Variants in ENOSF1 observed in about 807,000 individuals in gnomAD.
ENOSF1 encodes the protein enolase superfamily member 1.
Under a neutral mutation model 68.2 loss-of-function variants are expected in ENOSF1, and 73 were observed. The ratio of observed to expected loss-of-function variants is 1.07; its 90% CI spans 0.89 to 1.30. The LOEUF (loss-of-function observed/expected upper bound fraction) is 1.30. Among genes scored for constraint, ENOSF1 ranks in the 50% most tolerant of loss-of-function variants. The pLI is 0.00. For synonymous variants in ENOSF1, 223 were observed against 210.4 expected (o/e 1.06, Z -0.52); for missense variants, 589 against 554.5 (o/e 1.06, Z -0.62).
At chr18:677,686 G>T in intron 13 of ENOSF1, 57 bp downstream of exon 13, 4 of 1,568,404 alleles carry the variant, frequency 2.6e-6, no homozygotes, top group African/African-American at 1.4e-5. Context: ...CATCAAGGGA[G>T]GTGTCTGATT....
chr18:711,070 T>G (rs1338145600), intron 1 of ENOSF1, among the ~76,000 whole-genome samples: 1 of 152,034 alleles, frequency 6.6e-6, no homozygotes, highest in Non-Finnish European at 1.5e-5. Flanking sequence ...CTTGGGAGGC[T>G]GAGGTGGGAG....
At chr18:689,432 T>A (rs2076935136) in intron 8 of ENOSF1, among the ~76,000 whole-genome samples, 1 of 152,076 alleles carries the variant, frequency 6.6e-6, no homozygotes, top group Non-Finnish European at 1.5e-5. Context: ...AGATACGCAT[T>A]ACCACGCCCA....
rs151099232 is a variant in ENOSF1 at position 709,389 on chromosome 18, G to A, written c.85-2811C>T. 9.9e-5 allele frequency among the ~76,000 whole-genome samples: 15 copies of A among 152,262 alleles called. 1 individual carries two copies. Among genetic ancestry groups the A allele is most frequent in the African/African-American group, 3.4e-4 (14 of 41,562 alleles). On this transcript the variant is annotated intron_variant, in intron 1 of 15. Coordinates refer to ENST00000647584, the MANE Select transcript of ENOSF1 (RefSeq NM_017512.7). ...ACACGAAGAAGAGGCAGCCGACAGC[G>A]GAAAACGTATCTGAGGGTAAGGACA...
At chr18:698,046 G>A (rs1256767585) in intron 2 of ENOSF1, among the ~76,000 whole-genome samples, 1 of 152,168 alleles carries the variant, frequency 6.6e-6, no homozygotes, top group Non-Finnish European at 1.5e-5. Context: ...CACCCGCCTT[G>A]GCCTCCCAAA....
chr18:710,576 A>G (rs1303526298), intron 1 of ENOSF1, among the ~76,000 whole-genome samples: 1 of 152,036 alleles, frequency 6.6e-6, no homozygotes, highest in Non-Finnish European at 1.5e-5. Flanking sequence ...ATGCAGTGGC[A>G]TGATCATAGC....
chr18:677,978 G>T, intron 12 of ENOSF1, 106 bp from the exon 13 acceptor site: 2 of 1,353,612 alleles, frequency 1.5e-6, no homozygotes, highest in Non-Finnish European at 2.0e-6. Flanking sequence ...ATTCATCAGT[G>T]GCCGTCAGGA....
intron 1 of ENOSF1, among the ~76,000 whole-genome samples, chr18:710,745 A>G (rs1268539078): frequency 6.6e-6 from 1 of 152,232 alleles, no homozygotes; most frequent in African/African-American, 2.4e-5. Context: ...TATAAAGTGA[A>G]TATTATTATA....
At position 670,600 on chromosome 18, in the gene ENOSF1, G is replaced by C; in HGVS notation, c.*3705C>G. 1 of 1,399,702 alleles carries C rather than the reference G, an allele frequency of 7.1e-7. No homozygotes were observed. Among genetic ancestry groups the C allele is most frequent in the Non-Finnish European group, 9.9e-7 (1 of 1,012,750 alleles). The allele number at this position is 1,399,702 out of a possible 1,614,324, so 86.7% of individuals were successfully genotyped here. Reference sequence around the variant, plus strand: ...CTCTCTCCTGGTCTCCACCATATGAGTTGGCTTCTGTTTCTCTCCTGTTTT... The same window carrying C: ...CTCTCTCCTGGTCTCCACCATATGACTTGGCTTCTGTTTCTCTCCTGTTTT... On this transcript the variant is annotated 3_prime_UTR_variant, in exon 16 of 16. Transcript: ENST00000647584.
chr18:672,731 C>T lies in ENOSF1; in HGVS notation c.*1574G>A, dbSNP rs2075124941. On this transcript the variant is annotated 3_prime_UTR_variant, in exon 16 of 16. Coordinates refer to ENST00000647584, the MANE Select transcript of ENOSF1 (RefSeq NM_017512.7). The stretch of plus-strand genomic sequence containing the variant: ...TGTTACATAACCTACGGCAAGGTAT[C>T]GACAGGATCATACTCCTGTAAAATA... 4.8e-6 allele frequency: 5 copies of T among 1,044,656 alleles called. No individual in the cohort carries two copies. The highest frequency in any genetic ancestry group is 6.8e-6 in the Non-Finnish European group (5 of 734,816). 64.7% of individuals were successfully genotyped at this position (1,044,656 alleles called of 1,614,324 possible).
chr18:690,848 A>G, intron 7 of ENOSF1: 1 of 1,405,310 alleles, frequency 7.1e-7, no homozygotes, highest in Non-Finnish European at 9.4e-7. Context: ...CCTACAGTGT[A>G]ATCCTAAAGC....
chr18:690,250 GCACAGGTGA>G (rs2077008175), intron 8 of ENOSF1, among the ~76,000 whole-genome samples: 2 of 151,114 alleles, frequency 1.3e-5, no homozygotes, highest in African/African-American at 4.9e-5. Context: ...CCAGTCAGAA[GCACAGGTGA>G]CAACGTGGAC....
intron 11 of ENOSF1, among the ~76,000 whole-genome samples, chr18:681,635 T>C (rs1053293932): frequency 6.6e-6 from 1 of 152,176 alleles, no homozygotes; most frequent in Non-Finnish European, 1.5e-5. Context: ...GGTCGCTCCA[T>C]GGCTCCTGCT....
At position 677,882 on chromosome 18, in the gene ENOSF1, G is replaced by T. The variant is rs772033263; in HGVS notation, c.919-10C>A. On this transcript the variant is annotated splice_polypyrimidine_tract_variant and intron_variant, in intron 12 of 15. Transcript: ENST00000647584. Reference sequence around the variant, plus strand: ...TCACTCTATTGTGGCACTGGAAATAGAATTGAAAATAACACCAACAGAAGA... The same window carrying T: ...TCACTCTATTGTGGCACTGGAAATATAATTGAAAATAACACCAACAGAAGA... 1.9e-6 allele frequency: 3 copies of T among 1,610,194 alleles called. No individual in the cohort carries two copies. The highest frequency in any genetic ancestry group is 2.5e-6 in the Non-Finnish European group (3 of 1,178,872).
At chr18:683,793 CA>C (rs1234927929) in intron 10 of ENOSF1, among the ~76,000 whole-genome samples, 1 of 152,056 alleles carries the variant, frequency 6.6e-6, no homozygotes, top group East Asian at 1.9e-4. Flanking sequence ...ATTGTTTGTT[CA>C]ATAGTCATTT....
chr18:683,181 C>A, intron 11 of ENOSF1, 65 bp downstream of exon 11: 1 of 1,598,446 alleles, frequency 6.3e-7, no homozygotes, highest in Non-Finnish European at 8.5e-7. Context: ...TAGGATCTGT[C>A]CCCAGCACTC....
chr18:700,537 G>A (rs1263720736), intron 2 of ENOSF1, among the ~76,000 whole-genome samples: 1 of 152,150 alleles, frequency 6.6e-6, no homozygotes, highest in East Asian at 1.9e-4. Context: ...CATCTACAGT[G>A]TATGGATTTT....
At chr18:695,336 A>T (rs1488151593) in intron 3 of ENOSF1, among the ~76,000 whole-genome samples, 1 of 152,104 alleles carries the variant, frequency 6.6e-6, no homozygotes, top group South Asian at 2.1e-4. Context: ...ATTTTGTTTT[A>T]TTATTAGGAT....
chr18:680,688 T>G lies in ENOSF1; in HGVS notation c.877-1951A>C, dbSNP rs1344063446. On this transcript the variant is annotated intron_variant, in intron 11 of 15. Coordinates refer to ENST00000647584, the MANE Select transcript of ENOSF1 (RefSeq NM_017512.7). ...ACTATGCTGTTGTGTTTTTTTTTTT[T>G]TTTTTTTTTTGAGATGGAGTATTGC... Among the ~76,000 whole-genome samples the G allele has an allele frequency of 4.7e-5, 7 of 148,632 alleles. No homozygotes were observed. In the East Asian group the frequency reaches 5.9e-4, roughly 12 times the overall value.
downstream of ENOSF1, chr18:669,409 G>C (rs2144339108): frequency 2.7e-6 from 1 of 364,182 alleles, no homozygotes; most frequent in South Asian, 3.4e-5. Flanking sequence ...GTTTTGCTCT[G>C]TTGCCCAGGC....
Sources: allele counts gnomAD v4.1 joint callset (sites outside exome capture counted in the v4.1 genomes callset), GRCh38; gene constraint gnomAD v4.1.1; transcripts MANE v1.5; gene names NCBI Gene and HGNC (gene_info 2026-07-23, HGNC 2026-07-21).